The following PTPRK variants were observed in gnomAD, a reference collection of about 807,000 sequenced individuals.
PTPRK encodes protein tyrosine phosphatase receptor type K.
Under a neutral mutation model 178.0 loss-of-function variants are expected in PTPRK, and 75 were observed. That is an observed-to-expected ratio of 0.42 (90% CI 0.35 to 0.51). PTPRK has a LOEUF of 0.51. Among genes scored for constraint, PTPRK ranks in the 20% least tolerant of loss-of-function variants. PTPRK has a pLI of 0.02. For missense variants in PTPRK, 1,441 were observed against 1,797.8 expected (o/e 0.80, Z 3.59); for synonymous variants, 637 against 620.6 (o/e 1.03, Z -0.39).
intron 5 of PTPRK, among the ~76,000 whole-genome samples, chr6:128,229,344 C>T (rs1811920371): frequency 1.3e-5 from 2 of 152,116 alleles, no homozygotes; most frequent in South Asian, 4.1e-4. Context: ...TAAAATGTAA[C>T]TGAAAAGTTG....
chr6:128,471,769 A>G (rs1850699157), intron 1 of PTPRK, among the ~76,000 whole-genome samples: 1 of 151,862 alleles, frequency 6.6e-6, no homozygotes. Flanking sequence ...TGGAGTGTGC[A>G]TGAAGTTAAC....
chr6:128,301,007 T>G lies in PTPRK; in HGVS notation c.495+21032A>C, dbSNP rs571220159. On this transcript the variant is annotated intron_variant, in intron 3 of 29. Coordinates refer to ENST00000368226, the MANE Select transcript of PTPRK (RefSeq NM_002844.4). ...ACTTATAATGTTAGCTGTTCATTGT[T>G]TGTAACCACCTTCCCCAACAGGAGA... Among the ~76,000 whole-genome samples, 5 of 152,256 alleles carry G rather than the reference T, an allele frequency of 3.3e-5. No individual in the cohort carries two copies. The South Asian group carries it at 8.3e-4, about 25-fold the overall frequency.
intron 13 of PTPRK, among the ~76,000 whole-genome samples, chr6:128,037,238 G>A (rs1776381105): frequency 6.6e-6 from 1 of 152,154 alleles, no homozygotes. Flanking sequence ...AGTCATTTGA[G>A]TCATCCCAGA....
intron 2 of PTPRK, among the ~76,000 whole-genome samples, chr6:128,397,112 G>C (rs1840413640): frequency 6.6e-6 from 1 of 152,140 alleles, no homozygotes; most frequent in Non-Finnish European, 1.5e-5. Flanking sequence ...CAGAGTCACT[G>C]GCATGCTCAT....
At chr6:128,028,351 T>G (rs940487849) in intron 13 of PTPRK, among the ~76,000 whole-genome samples, 2 of 152,206 alleles carry the variant, frequency 1.3e-5, no homozygotes, top group Non-Finnish European at 2.9e-5. Flanking sequence ...CTGTTTTAAT[T>G]TTTAAAGTGG....
intron 2 of PTPRK, among the ~76,000 whole-genome samples, chr6:128,382,983 A>T (rs1301119033): frequency 6.6e-6 from 1 of 152,160 alleles, no homozygotes; most frequent in African/African-American, 2.4e-5. Flanking sequence ...TACTAGGGAG[A>T]AACTTAGACT....
intron 1 of PTPRK, among the ~76,000 whole-genome samples, chr6:128,470,127 A>G (rs147250728): frequency 8.5e-5 from 13 of 152,262 alleles, no homozygotes; most frequent in African/African-American, 2.9e-4. Context: ...AACAATGAAA[A>G]CATTATACAT....
At chr6:128,217,585 A>G (rs1040775494) in intron 6 of PTPRK, among the ~76,000 whole-genome samples, 3 of 152,218 alleles carry the variant, frequency 2.0e-5, no homozygotes, top group African/African-American at 7.2e-5. Flanking sequence ...ATCAAAGGTT[A>G]AAGTATTAAA....
Position 127,981,303 on chromosome 6 carries a change from A to T in PTPRK, c.3538-14T>A, listed in dbSNP as rs765825936. Reference sequence around the variant, plus strand: ...TGAATTCAGAGTCTAAAAAGAAAAGAGAACCCAGGTTAAAAGACAGTGTGA... The same window carrying T: ...TGAATTCAGAGTCTAAAAAGAAAAGTGAACCCAGGTTAAAAGACAGTGTGA... On this transcript the variant is annotated splice_polypyrimidine_tract_variant and intron_variant, in intron 24 of 29. Coordinates refer to ENST00000368226, the MANE Select transcript of PTPRK (RefSeq NM_002844.4). The T allele has an allele frequency of 6.2e-7, 1 of 1,609,186 alleles. No homozygotes were observed. The highest frequency in any genetic ancestry group is 8.5e-7 in the Non-Finnish European group (1 of 1,176,522).
At chr6:128,180,386 T>C (rs1801724268) in intron 7 of PTPRK, among the ~76,000 whole-genome samples, 1 of 151,948 alleles carries the variant, frequency 6.6e-6, no homozygotes, top group Admixed American at 6.6e-5. Flanking sequence ...TAAAAATTTA[T>C]GAAGTGCCTG....
chr6:128,088,807 C>G (rs1381051682), intron 8 of PTPRK, among the ~76,000 whole-genome samples: 2 of 152,020 alleles, frequency 1.3e-5, no homozygotes, highest in East Asian at 3.9e-4. Flanking sequence ...AGTTTAGTTA[C>G]TTGGATGGCA....
intron 13 of PTPRK, among the ~76,000 whole-genome samples, chr6:128,012,295 G>A (rs1042539848): frequency 2.0e-5 from 3 of 150,914 alleles, no homozygotes; most frequent in African/African-American, 7.3e-5. Flanking sequence ...CTATAACCGA[G>A]GAACATAAAT....
chr6:128,241,175 T>C (rs1365841439), intron 4 of PTPRK: 4 of 517,770 alleles, frequency 7.7e-6, no homozygotes, highest in Admixed American at 6.1e-5. Flanking sequence ...CACCACGTGG[T>C]ATATATAATC....
chr6:128,519,275 A>G lies in PTPRK; in HGVS notation c.100+984T>C. The G allele has an allele frequency of 2.7e-6, 1 of 367,986 alleles. No individual in the cohort carries two copies. The highest frequency in any genetic ancestry group is 2.0e-5 in the South Asian group (1 of 48,858). 22.8% of individuals were successfully genotyped at this position (367,986 alleles called of 1,614,324 possible). A position where few individuals can be genotyped will look rare whatever the true frequency, so the allele number is the denominator to read the frequency against. On this transcript the variant is annotated intron_variant, in intron 1 of 29. Transcript: ENST00000368226. The surrounding 1 kb of genome is among the most constrained non-coding windows in gnomAD (Gnocchi z 4.3). The stretch of plus-strand genomic sequence containing the variant: ...AGAACGAAAGAAGCAACCAACCTAC[A>G]CGAAGGATAACAAAACTGGAGGGGA...
At chr6:128,350,536 G>A (rs1832983489) in intron 2 of PTPRK, among the ~76,000 whole-genome samples, 1 of 152,100 alleles carries the variant, frequency 6.6e-6, no homozygotes, top group Admixed American at 6.6e-5. Flanking sequence ...CTAGATCAAG[G>A]CTTCCAAACA....
intron 1 of PTPRK, among the ~76,000 whole-genome samples, chr6:128,405,337 T>A (rs1364668754): frequency 6.6e-6 from 1 of 152,206 alleles, no homozygotes; most frequent in Non-Finnish European, 1.5e-5. Context: ...TTGTTCGGAC[T>A]ATTTTTGCAG....
chr6:128,209,048 C>G (rs1004387936), intron 6 of PTPRK, among the ~76,000 whole-genome samples: 120 of 152,076 alleles, frequency 7.9e-4, no homozygotes, highest in African/African-American at 2.8e-3. Context: ...TGCCTAATCT[C>G]TCATCCTTGA....
intron 1 of PTPRK, among the ~76,000 whole-genome samples, chr6:128,479,772 G>A (rs1479703865): frequency 6.6e-6 from 1 of 152,076 alleles, no homozygotes; most frequent in South Asian, 2.1e-4. Flanking sequence ...TAAGTGTCTT[G>A]AATTTTACTT....
chr6:128,156,289 C>A lies in PTPRK; in HGVS notation c.1162+28143G>T, dbSNP rs116589859. Among the ~76,000 whole-genome samples the A allele has an allele frequency of 6.4e-3, 977 of 151,946 alleles. 3 individuals are homozygous for A. The highest frequency in any genetic ancestry group is 0.017 in the Middle Eastern group (5 of 294). On this transcript the variant is annotated intron_variant, in intron 7 of 29. Transcript: ENST00000368226. The stretch of plus-strand genomic sequence containing the variant: ...AATCTGGAGAATAAAAAGCATAATA[C>A]ATACTAGGTATTTGTCCATTCTCAC...
Sources: allele counts gnomAD v4.1 joint callset (sites outside exome capture counted in the v4.1 genomes callset), GRCh38; gene constraint gnomAD v4.1.1; non-coding constraint Gnocchi (gnomAD v3.1); transcripts MANE v1.5; gene names NCBI Gene and HGNC (gene_info 2026-07-23, HGNC 2026-07-21).